The following METAP1D variants were observed in gnomAD, a reference collection of about 807,000 sequenced individuals.
The protein encoded by METAP1D is methionyl aminopeptidase type 1D, mitochondrial.
A neutral mutation model predicts 40.5 loss-of-function variants in METAP1D; 31 were observed. The ratio of observed to expected loss-of-function variants is 0.77; its 90% CI spans 0.58 to 1.03. The LOEUF (loss-of-function observed/expected upper bound fraction) is 1.03. Ranked by LOEUF, METAP1D falls within the 50% of genes least tolerant of loss-of-function variation. METAP1D has a pLI of 0.00. For synonymous variants in METAP1D, 151 were observed against 146.4 expected, an observed-to-expected ratio of 1.03 and a Z score of -0.22; for missense variants, 411 against 420.7, an observed-to-expected ratio of 0.98 and a Z score of 0.20.
In METAP1D at chr2:172,077,787, A is replaced by G; in HGVS notation, c.705-10A>G. ...TAATTTAATTAAATATTTTTTGGTCACTTTTAAAGCCACATAACTCATCAG... is the reference window on the plus strand; with the variant it reads ...TAATTTAATTAAATATTTTTTGGTCGCTTTTAAAGCCACATAACTCATCAG... On this transcript the variant is annotated splice_polypyrimidine_tract_variant and intron_variant, in intron 6 of 9. Coordinates refer to ENST00000315796, the MANE Select transcript of METAP1D (RefSeq NM_199227.3). The G allele has an allele frequency of 6.8e-7, 1 of 1,471,114 alleles. No homozygotes were observed. Among genetic ancestry groups the G allele is most frequent in the Non-Finnish European group, 9.3e-7 (1 of 1,080,660 alleles). The allele number at this position is 1,471,114 out of a possible 1,614,324, so 91.1% of individuals were successfully genotyped here. A position where few individuals can be genotyped will look rare whatever the true frequency, so the allele number is the denominator to read the frequency against.
At chr2:172,042,201 ATACATATGTATGTGTACATGTG>A (rs1689556227) in intron 1 of METAP1D, among the ~76,000 whole-genome samples, 1 of 68,694 alleles carries the variant, frequency 1.5e-5, no homozygotes, top group Non-Finnish European at 3.5e-5. Flanking sequence ...GTGTACACAT[ATACATATGTATGTGTACATGTG>A]TACACATATA....
At chr2:172,069,208 G>A (rs1352749745) in intron 5 of METAP1D, among the ~76,000 whole-genome samples, 1 of 152,104 alleles carries the variant, frequency 6.6e-6, no homozygotes, top group Non-Finnish European at 1.5e-5. Context: ...ACTGCACCCA[G>A]CCTCAAGTAA....
At chr2:172,043,172 G>C (rs1689661151) in intron 1 of METAP1D, among the ~76,000 whole-genome samples, 1 of 128,948 alleles carries the variant, frequency 7.8e-6, no homozygotes, top group East Asian at 2.0e-4. Flanking sequence ...AAACTCCTGA[G>C]CTCAAGCAAT....
intron 1 of METAP1D, among the ~76,000 whole-genome samples, chr2:172,008,250 C>T (rs1258709870): frequency 1.3e-5 from 2 of 152,084 alleles, no homozygotes; most frequent in East Asian, 3.9e-4. Flanking sequence ...GGCCTGGAGA[C>T]ATTGGAGACA....
At position 172,005,520 on chromosome 2, in the gene METAP1D, T is replaced by TTATA. The variant is rs34982215; in HGVS notation, c.40+5533_40+5536dup. Among the ~76,000 whole-genome samples the TTATA allele has an allele frequency of 0.023, 2,579 of 110,892 alleles. 227 individuals carry two copies. The East Asian group carries it at 0.33, about 14-fold the overall frequency. 72.7% of individuals were successfully genotyped at this position (110,892 alleles called of 152,430 possible). On this transcript the variant is annotated intron_variant, in intron 1 of 9. Transcript: ENST00000315796. The stretch of plus-strand genomic sequence containing the variant: ...AGTAGTATTCCATGGTGTCTGTATT[T>TTATA]TATATATATATATATATATATATAT...
chr2:172,034,098 AG>A (rs377644432), intron 1 of METAP1D, among the ~76,000 whole-genome samples: 10 of 147,256 alleles, frequency 6.8e-5, no homozygotes, highest in African/African-American at 2.1e-4. Flanking sequence ...AAAAAACAAA[AG>A]TCCTCATCTT....
At chr2:172,019,955 C>G (rs1688967007) in intron 1 of METAP1D, among the ~76,000 whole-genome samples, 1 of 152,158 alleles carries the variant, frequency 6.6e-6, no homozygotes, top group Admixed American at 6.6e-5. Context: ...GCATGTTCAA[C>G]AAATTCCTCC....
At chr2:172,016,212 G>A (rs1281261893) in intron 1 of METAP1D, among the ~76,000 whole-genome samples, 1 of 132,468 alleles carries the variant, frequency 7.5e-6, no homozygotes, top group Non-Finnish European at 1.6e-5. Context: ...GGAGTCCAAG[G>A]TTGCAGTGAG....
At chr2:172,068,663 G>A (rs1048023378) in intron 5 of METAP1D, among the ~76,000 whole-genome samples, 1 of 151,632 alleles carries the variant, frequency 6.6e-6, no homozygotes, top group African/African-American at 2.4e-5. Context: ...ACAGGCACAC[G>A]CCACCACACC....
At chr2:172,063,898 G>A in intron 3 of METAP1D, 38 bp downstream of exon 3, 1 of 1,534,430 alleles carries the variant, frequency 6.5e-7, no homozygotes, top group Non-Finnish European at 8.7e-7. Flanking sequence ...CTTACATAAG[G>A]GGCAACAAAC....
chr2:172,036,202 A>G (rs1465107712), intron 1 of METAP1D, among the ~76,000 whole-genome samples: 2 of 149,818 alleles, frequency 1.3e-5, no homozygotes, highest in African/African-American at 4.9e-5. Context: ...CTGTAGTCCC[A>G]GCTACTTGGG....
intron 1 of METAP1D, among the ~76,000 whole-genome samples, chr2:172,036,009 G>A (rs553948971): frequency 2.6e-5 from 4 of 151,868 alleles, no homozygotes; most frequent in Admixed American, 6.6e-5. Context: ...TTTTTTTGCT[G>A]TATAGTCTTC....
chr2:172,007,703 G>GT (rs1050434995), intron 1 of METAP1D, among the ~76,000 whole-genome samples: 50 of 151,700 alleles, frequency 3.3e-4, no homozygotes, highest in African/African-American at 9.9e-4. Context: ...TATTAATTTT[G>GT]TTTTTTTTGA....
At chr2:172,070,783 G>T in intron 5 of METAP1D, 124 bp from the exon 6 acceptor site, 1 of 718,600 alleles carries the variant, frequency 1.4e-6, no homozygotes, top group Non-Finnish European at 2.1e-6. Context: ...TTTTTGATAG[G>T]CAAATGAATA....
intron 1 of METAP1D, among the ~76,000 whole-genome samples, chr2:172,006,554 T>C (rs1314524256): frequency 6.6e-6 from 1 of 152,224 alleles, no homozygotes; most frequent in African/African-American, 2.4e-5. Context: ...GTGTGGATGC[T>C]ATATATCTTA....
In METAP1D at chr2:172,028,394, AT is replaced by A. The variant is rs1018634716; in HGVS notation, c.40+28387del. Among the ~76,000 whole-genome samples, 105 of 152,226 alleles carry A rather than the reference AT, an allele frequency of 6.9e-4. 1 individual carries two copies. The highest frequency in any genetic ancestry group is 2.4e-3 in the African/African-American group (99 of 41,454). On this transcript the variant is annotated intron_variant, in intron 1 of 9. Transcript: ENST00000315796. ...GGCCAGAGGGAGGTGGGGTCAGACC[AT>A]TGCAGGCCCTCAAGGCCATAATGGG... is the stretch of plus-strand genomic sequence containing the variant.
At chr2:172,068,413 A>AAATG (rs1334833208) in intron 5 of METAP1D, among the ~76,000 whole-genome samples, 1 of 152,150 alleles carries the variant, frequency 6.6e-6, no homozygotes, top group African/African-American at 2.4e-5. Flanking sequence ...ATAAATAAAT[A>AAATG]AATGAAGTAC....
intron 5 of METAP1D, chr2:172,070,563 G>A (rs1457928729): frequency 6.5e-6 from 1 of 154,034 alleles, no homozygotes; most frequent in Admixed American, 6.5e-5. Flanking sequence ...TGTGGTAATT[G>A]TAGATCAAGG....
chr2:172,014,691 T>C (rs1225572445), intron 1 of METAP1D, among the ~76,000 whole-genome samples: 1 of 152,092 alleles, frequency 6.6e-6, no homozygotes, highest in Non-Finnish European at 1.5e-5. Flanking sequence ...CTGGCCCTGT[T>C]GCCCAGGCTG....
Sources: gnomAD v4.1 joint callset for allele counts (sites outside exome capture counted in the v4.1 genomes callset) on GRCh38, gnomAD v4.1.1 for gene constraint, MANE v1.5 for transcripts, NCBI Gene and HGNC (gene_info 2026-07-23, HGNC 2026-07-21) for gene names.